USP10: variants seen among roughly 807,000 people sequenced by gnomAD.
USP10 encodes the protein ubiquitin specific peptidase 10.
USP10 carries 22 observed loss-of-function variants against 84.5 expected under a neutral mutation model. The observed-to-expected ratio is 0.26, with a 90% confidence interval of 0.19 to 0.37. USP10 has a LOEUF of 0.37. USP10 is among the 10% of genes least tolerant of loss of function. USP10 has a pLI of 1.00. For synonymous variants in USP10, 454 were observed against 387.6 expected (o/e 1.17, Z -2.01); for missense variants, 1,019 against 998.9 (o/e 1.02, Z -0.27).
intron 4 of USP10, among the ~76,000 whole-genome samples, chr16:84,751,668 G>C (rs16974548): frequency 0.064 from 9,774 of 152,270 alleles, 456 homozygotes; most frequent in East Asian, 0.13. Flanking sequence ...AAGATAGTGT[G>C]TGTTCTTCCA....
intron 4 of USP10, among the ~76,000 whole-genome samples, chr16:84,747,354 T>C (rs1393941649): frequency 6.6e-6 from 1 of 152,156 alleles, no homozygotes; most frequent in African/African-American, 2.4e-5. Context: ...TGGTCAGAAT[T>C]GTGTAAAAAA....
At chr16:84,770,863 C>T (rs189611866) in intron 11 of USP10, among the ~76,000 whole-genome samples, 3 of 151,008 alleles carry the variant, frequency 2.0e-5, no homozygotes, top group African/African-American at 4.9e-5. Context: ...GTCAAGAGAT[C>T]GAGACCATCC....
intron 2 of USP10, among the ~76,000 whole-genome samples, chr16:84,738,910 C>G (rs1266295790): frequency 6.6e-6 from 1 of 152,200 alleles, no homozygotes. Flanking sequence ...AGCCTCTGAA[C>G]TTTGCGGCCC....
intron 1 of USP10, among the ~76,000 whole-genome samples, chr16:84,702,708 T>C (rs1905040462): frequency 6.6e-6 from 1 of 152,088 alleles, no homozygotes; most frequent in Non-Finnish European, 1.5e-5. Flanking sequence ...TAAAAATGTT[T>C]ACAGGCCAGC....
At chr16:84,737,221 T>C (rs1910052182) in intron 2 of USP10, among the ~76,000 whole-genome samples, 1 of 152,236 alleles carries the variant, frequency 6.6e-6, no homozygotes, top group Admixed American at 6.5e-5. Flanking sequence ...CGGGCCCAGG[T>C]ATCCTTTTCA....
intron 1 of USP10, among the ~76,000 whole-genome samples, chr16:84,720,100 T>G (rs1169081737): frequency 6.6e-6 from 1 of 152,220 alleles, no homozygotes; most frequent in East Asian, 1.9e-4. Context: ...ATGTAAGTAC[T>G]TCTTATTAGA....
At chr16:84,718,776 T>C (rs997941292) in intron 1 of USP10, among the ~76,000 whole-genome samples, 1 of 151,462 alleles carries the variant, frequency 6.6e-6, no homozygotes, top group South Asian at 2.1e-4. Flanking sequence ...AAAAAAAGTT[T>C]TTCTTCTTTT....
chr16:84,733,436 A>G lies in USP10; in HGVS notation c.23A>G (p.Tyr8Cys). MALHSPQYIFGDFSPDEF... is the reference protein window; with the variant it reads MALHSPQCIFGDFSPDEF... Reference sequence around the variant, plus strand: ...AGTGACTCTCTTATTTTTTTTCAGTATATTTTTGGAGATTTTAGCCCTGAT... The same window carrying G: ...AGTGACTCTCTTATTTTTTTTCAGTGTATTTTTGGAGATTTTAGCCCTGAT... The change falls in exon 2 of 14, where the codon TAT (tyrosine) becomes TGT (cysteine). Residue 8 changes from tyrosine to cysteine, a missense_variant and splice_region_variant. Physicochemically the swap from Tyr to Cys is radical, Grantham distance 194. Transcript: ENST00000219473. 6.2e-7 allele frequency: 1 copy of G among 1,601,188 alleles called. No individual in the cohort carries two copies. Among genetic ancestry groups the G allele is most frequent in the Non-Finnish European group, 8.5e-7 (1 of 1,173,878 alleles).
intron 1 of USP10, among the ~76,000 whole-genome samples, chr16:84,725,852 T>C (rs1908400959): frequency 6.6e-6 from 1 of 152,248 alleles, no homozygotes; most frequent in Non-Finnish European, 1.5e-5. Flanking sequence ...CCAAACAGTC[T>C]ATTGCTCTTT....
chr16:84,741,113 C>T (rs1910571557), intron 3 of USP10, among the ~76,000 whole-genome samples: 1 of 152,186 alleles, frequency 6.6e-6, no homozygotes, highest in Non-Finnish European at 1.5e-5. Flanking sequence ...GTTTGGATTC[C>T]CTGTTCAGTT....
At chr16:84,759,544 T>A (rs1216463316) in intron 6 of USP10, 72 bp downstream of exon 6, 3 of 1,380,540 alleles carry the variant, frequency 2.2e-6, no homozygotes, top group African/African-American at 1.4e-5. Context: ...TGAAATAGTT[T>A]AGTAAAGCTC....
At position 84,744,677 on chromosome 16, in the gene USP10, G is replaced by A; in HGVS notation, c.196G>A (p.Glu66Lys). ...RIEFGVDEVIEPSDTLPRTPS... is the reference protein window; with the variant it reads ...RIEFGVDEVIKPSDTLPRTPS... ...TGAGTTTGGTGTCGATGAAGTCATTGAACCCAGTGACACTTTGCCGAGAAC... is the reference window on the plus strand; with the variant it reads ...TGAGTTTGGTGTCGATGAAGTCATTAAACCCAGTGACACTTTGCCGAGAAC... Residue 66 changes from glutamate (E) to lysine (K), a missense_variant, in exon 4 of 14, where the codon GAA (glutamate) becomes AAA (lysine). Coordinates refer to ENST00000219473, the MANE Select transcript of USP10 (RefSeq NM_005153.3). 1 of 1,613,280 alleles carries A rather than the reference G, an allele frequency of 6.2e-7. No homozygotes were observed. The highest frequency in any genetic ancestry group is 1.1e-5 in the South Asian group (1 of 91,044).
At chr16:84,753,622 G>A (rs1274949388) in intron 4 of USP10, among the ~76,000 whole-genome samples, 1 of 152,228 alleles carries the variant, frequency 6.6e-6, no homozygotes, top group African/African-American at 2.4e-5. Context: ...CGTCTTCCTG[G>A]TTTGTGTGCC....
Position 84,760,268 on chromosome 16 carries a change from C to A in USP10, c.1547C>A (p.Ser516Tyr). ...CTGACAGTTAACAAGTCAAGCCTGT[C>A]TGAAAAGGTTTGAGACTTCTCTGTT... Reference protein sequence around the residue: ...RLLTVNKSSLSEKGRQEDAEE... With the variant: ...RLLTVNKSSLYEKGRQEDAEE... The change falls in exon 8 of 14, where the codon TCT (serine) becomes TAT (tyrosine). Residue 516 changes from serine to tyrosine, a missense_variant. This residue lies in a region of USP10 where 787 missense variants were observed against 708.8 expected (regional missense o/e 1.11). Coordinates refer to ENST00000219473, the MANE Select transcript of USP10 (RefSeq NM_005153.3). 1 of 1,603,786 alleles carries A rather than the reference C, an allele frequency of 6.2e-7. No individual in the cohort carries two copies. The highest frequency in any genetic ancestry group is 8.5e-7 in the Non-Finnish European group (1 of 1,174,554).
At position 84,760,278 on chromosome 16, in the gene USP10, T is replaced by A; in HGVS notation, c.1554+3T>A. 1.9e-6 allele frequency: 3 copies of A among 1,596,870 alleles called. No homozygotes were observed. The highest frequency in any genetic ancestry group is 2.6e-6 in the Non-Finnish European group (3 of 1,170,516). ...ACAAGTCAAGCCTGTCTGAAAAGGTTTGAGACTTCTCTGTTGTCACTAGTA... is the reference window on the plus strand; with the variant it reads ...ACAAGTCAAGCCTGTCTGAAAAGGTATGAGACTTCTCTGTTGTCACTAGTA... On this transcript the variant is annotated splice_donor_region_variant and intron_variant, in intron 8 of 13. Transcript: ENST00000219473.
rs1470940608 is a variant in USP10 at position 84,763,092 on chromosome 16, G to T, written c.1654+4G>T. On this transcript the variant is annotated splice_donor_region_variant and intron_variant, in intron 9 of 13. Transcript: ENST00000219473. ...CTTCTCTCACCAAGTAATGAAAGTA[G>T]GTTATGGTCCACTTGCCGCAGAGTT... 6.3e-7 allele frequency: 1 copy of T among 1,599,906 alleles called. No homozygotes were observed. Among genetic ancestry groups the T allele is most frequent in the Non-Finnish European group, 8.6e-7 (1 of 1,167,924 alleles).
At chr16:84,745,783 T>C in intron 4 of USP10, 110 bp downstream of exon 4, 1 of 1,137,404 alleles carries the variant, frequency 8.8e-7, no homozygotes, top group Non-Finnish European at 1.2e-6. Flanking sequence ...TGTGTGTTAA[T>C]AGCAACGTCT....
At chr16:84,778,370 C>A (rs189891156) in intron 13 of USP10, among the ~76,000 whole-genome samples, 5 of 152,276 alleles carry the variant, frequency 3.3e-5, no homozygotes, top group Admixed American at 1.3e-4. Context: ...CCCGCATCAC[C>A]ATTCTTAATC....
intron 8 of USP10, among the ~76,000 whole-genome samples, chr16:84,762,002 C>G (rs569895039): frequency 1.3e-5 from 2 of 152,314 alleles, no homozygotes; most frequent in South Asian, 2.1e-4. Context: ...TGCAGTTTAC[C>G]TAGATGCTTC....
Sources: allele counts gnomAD v4.1 joint callset (sites outside exome capture counted in the v4.1 genomes callset), GRCh38; gene constraint gnomAD v4.1.1; regional missense constraint gnomAD v4.1.1; transcripts MANE v1.5; gene names NCBI Gene and HGNC (gene_info 2026-07-23, HGNC 2026-07-21).